Variants in SLC35G1 observed in about 807,000 individuals in gnomAD.
SLC35G1 encodes solute carrier family 35 member G1, also known as partner of STIM1.
In SLC35G1, 10 loss-of-function variants were observed where a neutral mutation model predicts 17.1. The ratio of observed to expected loss-of-function variants is 0.59; its 90% CI spans 0.36 to 0.99. The LOEUF is 0.99. SLC35G1 is among the 50% of genes least tolerant of loss of function. SLC35G1 has a pLI of 0.01. For synonymous variants in SLC35G1, 185 were observed against 181.1 expected (o/e 1.02, Z -0.18); for missense variants, 433 against 468.4 (o/e 0.92, Z 0.70).
exon 3 of SLC35G1, chr10:93,909,334 A>G (rs1274881348): frequency 2.0e-5 from 3 of 152,046 alleles, no homozygotes; most frequent in African/African-American, 7.2e-5. Context: ...TGACTCCACT[A>G]TTCTGCTTAC....
intron 2 of SLC35G1, among the ~76,000 whole-genome samples, chr10:93,900,167 C>T (rs2134068245): frequency 6.6e-6 from 1 of 152,220 alleles, no homozygotes; most frequent in South Asian, 2.1e-4. Context: ...TGACTCTTTC[C>T]TCATGAGAAC....
At chr10:93,906,553 A>T (rs1011862568), downstream of SLC35G1, among the ~76,000 whole-genome samples, 24 of 152,364 alleles carry the variant, frequency 1.6e-4, no homozygotes, top group East Asian at 3.9e-4. Flanking sequence ...CTAAAAAAAA[A>T]ATATAAACGA....
downstream of SLC35G1, chr10:93,907,519 C>T (rs2060436433): frequency 6.6e-6 from 1 of 152,072 alleles, no homozygotes; most frequent in Non-Finnish European, 1.5e-5. Flanking sequence ...AAATGTAATG[C>T]AATTAAAAAT....
downstream of SLC35G1, among the ~76,000 whole-genome samples, chr10:93,905,271 G>C (rs2060421196): frequency 6.6e-6 from 1 of 152,052 alleles, no homozygotes; most frequent in Non-Finnish European, 1.5e-5. Flanking sequence ...TATCACCCTG[G>C]TCTCTGATCT....
intron 1 of SLC35G1, 76 bp downstream of exon 1, chr10:93,894,287 C>T (rs928124982): frequency 1.6e-5 from 20 of 1,274,976 alleles, no homozygotes; most frequent in Non-Finnish European, 2.0e-5. Context: ...GGGGTCCCCG[C>T]AACCCGGGCA....
At position 93,894,014 on chromosome 10, in the gene SLC35G1, G is replaced by T. The variant is rs1184001104; in HGVS notation, c.-20G>T. On this transcript the variant is annotated 5_prime_UTR_variant, in exon 1 of 3. Coordinates refer to ENST00000427197, the MANE Select transcript of SLC35G1 (RefSeq NM_001134658.3). ...CTGGCGCCAGACGGCACCGGCCGCT[G>T]GTAGAGCGCGTGCCGCGAGATGCGG... 7.2e-7 allele frequency: 1 copy of T among 1,391,794 alleles called. No homozygotes were observed. The highest frequency in any genetic ancestry group is 9.3e-7 in the Non-Finnish European group (1 of 1,078,810). The allele number at this position is 1,391,794 out of a possible 1,614,324, so 86.2% of individuals were successfully genotyped here.
rs200150478 is a variant in SLC35G1, at chr10:93,898,781, A to G, written c.359+30A>G. Reference sequence around the variant, plus strand: ...GTATTTTTTAACTGCAAAGTAGAAGATATTAATAAATGTGTGTATATCTTT... The same window carrying G: ...GTATTTTTTAACTGCAAAGTAGAAGGTATTAATAAATGTGTGTATATCTTT... On this transcript the variant is annotated intron_variant, in intron 2 of 2. Coordinates refer to ENST00000427197, the MANE Select transcript of SLC35G1 (RefSeq NM_001134658.3). The G allele has an allele frequency of 1.8e-4, 286 of 1,573,684 alleles. No homozygotes were observed. In the South Asian group the frequency reaches 3.0e-3, roughly 17 times the overall value.
intron 1 of SLC35G1, among the ~76,000 whole-genome samples, chr10:93,894,783 G>A (rs2060314977): frequency 6.6e-6 from 1 of 152,170 alleles, no homozygotes; most frequent in Non-Finnish European, 1.5e-5. Context: ...TTGTTAAGAA[G>A]CTCACAGCCC....
chr10:93,901,069 T>G lies in SLC35G1; in HGVS notation c.677T>G (p.Phe226Cys), dbSNP rs1349236816. The G allele has an allele frequency of 6.2e-6, 10 of 1,613,992 alleles. No individual in the cohort carries two copies. The Admixed American group carries it at 1.5e-4, about 24-fold the overall frequency. ...ESYSGHLKGTFAAIGSAVFAA... is the reference protein window; with the variant it reads ...ESYSGHLKGTCAAIGSAVFAA... ...TATTCAGGCCACCTTAAGGGAACAT[T>G]CGCAGCAATTGGAAGTGCCGTATTT... The change falls in exon 3 of 3, where the codon TTC becomes TGC. Residue 226 changes from phenylalanine (F) to cysteine (C), a missense_variant. Physicochemically the swap from Phe to Cys is radical, Grantham distance 205. Transcript: ENST00000427197.
chr10:93,904,346 C>G (rs541882659), downstream of SLC35G1, among the ~76,000 whole-genome samples: 1 of 152,164 alleles, frequency 6.6e-6, no homozygotes, highest in Non-Finnish European at 1.5e-5. Flanking sequence ...CACTGTTACT[C>G]TAGTTCTCAT....
downstream of SLC35G1, among the ~76,000 whole-genome samples, chr10:93,904,482 A>G (rs2060416393): frequency 6.6e-6 from 1 of 152,090 alleles, no homozygotes; most frequent in Non-Finnish European, 1.5e-5. Context: ...TCTTACCACT[A>G]GCTCCCATGT....
intron 1 of SLC35G1, 91 bp from the exon 2 acceptor site, chr10:93,898,480 T>C (rs2060352222): frequency 7.7e-7 from 1 of 1,304,990 alleles, no homozygotes; most frequent in African/African-American, 1.5e-5. Context: ...CTGTTGACCT[T>C]TGACACTGTT....
intron 2 of SLC35G1, 104 bp from the exon 3 acceptor site, chr10:93,900,648 T>A: frequency 1.1e-6 from 1 of 935,908 alleles, no homozygotes; most frequent in Non-Finnish European, 1.5e-6. Context: ...TATTCCCTCA[T>A]TTTTTGATAT....
intron 2 of SLC35G1, among the ~76,000 whole-genome samples, chr10:93,899,526 C>T (rs2060362287): frequency 6.6e-6 from 1 of 152,192 alleles, no homozygotes; most frequent in African/African-American, 2.4e-5. Context: ...CAGTTGGGTC[C>T]TTGGTGGCTG....
chr10:93,901,222 G>A lies in SLC35G1; in HGVS notation c.830G>A (p.Ser277Asn), dbSNP rs2060381083. 2 of 1,614,098 alleles carry A rather than the reference G, an allele frequency of 1.2e-6. No homozygotes were observed. Among genetic ancestry groups the A allele is most frequent in the Non-Finnish European group, 1.7e-6 (2 of 1,179,960 alleles). ...ATCCTCTCTGTATTAGGAGAGTGGA[G>A]TCTGCCTTACTGTGGGTTGGACAGG... is the stretch of plus-strand genomic sequence containing the variant. ...VIILSVLGEW[S>N]LPYCGLDRLF... The change falls in exon 3 of 3, where the codon AGT becomes AAT. Residue 277 changes from serine to asparagine, a missense_variant. Ser to Asn is a conservative substitution (Grantham distance 46, BLOSUM62 1). Transcript: ENST00000427197.
At chr10:93,897,925 A>G (rs1414965791) in intron 1 of SLC35G1, among the ~76,000 whole-genome samples, 1 of 152,240 alleles carries the variant, frequency 6.6e-6, no homozygotes, top group Non-Finnish European at 1.5e-5. Context: ...ACAGTTCAAA[A>G]TAACAAAATG....
chr10:93,898,188 C>A (rs962952423), intron 1 of SLC35G1, among the ~76,000 whole-genome samples: 1 of 152,178 alleles, frequency 6.6e-6, no homozygotes, highest in African/African-American at 2.4e-5. Flanking sequence ...AAGCCAATTT[C>A]GCCAGTGAGG....
rs540859944 is a variant in SLC35G1 at position 93,900,692 on chromosome 10, T to C, written c.360-60T>C. On this transcript the variant is annotated intron_variant, in intron 2 of 2. Coordinates refer to ENST00000427197, the MANE Select transcript of SLC35G1 (RefSeq NM_001134658.3). ...TTTAAAATAATGTTTAATTACAAATTGTAATTTAAAAACAAATATTAATTT... is the reference window on the plus strand; with the variant it reads ...TTTAAAATAATGTTTAATTACAAATCGTAATTTAAAAACAAATATTAATTT... 2.9e-6 allele frequency: 4 copies of C among 1,372,902 alleles called. No individual in the cohort carries two copies. In the Admixed American group the frequency reaches 1.0e-4, roughly 35 times the overall value. The allele number at this position is 1,372,902 out of a possible 1,614,324, so 85.0% of individuals were successfully genotyped here. A position where few individuals can be genotyped will look rare whatever the true frequency, so the allele number is the denominator to read the frequency against.
At chr10:93,906,095 AC>A (rs1304111264), downstream of SLC35G1, among the ~76,000 whole-genome samples, 1 of 152,230 alleles carries the variant, frequency 6.6e-6, no homozygotes, top group East Asian at 1.9e-4. Context: ...CCAAGAACAT[AC>A]CAGAAAGAGA....
Sources: gnomAD v4.1 joint callset for allele counts (sites outside exome capture counted in the v4.1 genomes callset) on GRCh38, gnomAD v4.1.1 for gene constraint, MANE v1.5 for transcripts, NCBI Gene and HGNC (gene_info 2026-07-23, HGNC 2026-07-21) for gene names.